The following PCDHGA2 variants were observed in gnomAD, a reference collection of about 807,000 sequenced individuals.
The protein encoded by PCDHGA2 is protocadherin gamma-A2.
Under a neutral mutation model 59.2 loss-of-function variants are expected in PCDHGA2, and 40 were observed. The ratio of observed to expected loss-of-function variants is 0.68; its 90% CI spans 0.52 to 0.88. The LOEUF (loss-of-function observed/expected upper bound fraction) is 0.88. Among genes scored for constraint, PCDHGA2 ranks in the 40% least tolerant of loss-of-function variants. PCDHGA2 has a pLI of 0.00. For missense variants in PCDHGA2, 1,226 were observed against 1,204.0 expected, an observed-to-expected ratio of 1.02 and a Z score of -0.27; for synonymous variants, 560 against 526.0, an observed-to-expected ratio of 1.06 and a Z score of -0.89.
intron 1 of PCDHGA2, chr5:141,374,756 G>A (rs968410543): frequency 2.5e-6 from 4 of 1,612,954 alleles, no homozygotes; most frequent in Non-Finnish European, 2.5e-6. Flanking sequence ...CCGCTCAAGC[G>A]TCGCCCAAAT....
At chr5:141,341,747 A>G (rs1212091051) in intron 1 of PCDHGA2, 3 of 427,258 alleles carry the variant, frequency 7.0e-6, no homozygotes, top group African/African-American at 2.0e-5. Flanking sequence ...TAAAAATATA[A>G]AGATTGGAGT....
Position 141,389,558 on chromosome 5 carries a change from A to G in PCDHGA2, c.2424+48163A>G, listed in dbSNP as rs778077135. 14 of 1,613,148 alleles carry G rather than the reference A, an allele frequency of 8.7e-6. No individual in the cohort carries two copies. The East Asian group carries it at 8.9e-5, about 10-fold the overall frequency. ...TGGACGACCGCAACGACAATGCGCC[A>G]CGGGTGCTGTACCCCGCGCTGGGTC... On this transcript the variant is annotated intron_variant, in intron 1 of 3. Transcript: ENST00000394576.
chr5:141,481,622 G>A (rs957374253), intron 1 of PCDHGA2, among the ~76,000 whole-genome samples: 6 of 151,854 alleles, frequency 4.0e-5, no homozygotes, highest in African/African-American at 1.2e-4. Flanking sequence ...GTTCAAGACC[G>A]GCCTGGCCAA....
At chr5:141,496,637 C>T (rs907246032) in intron 2 of PCDHGA2, among the ~76,000 whole-genome samples, 6 of 152,214 alleles carry the variant, frequency 3.9e-5, no homozygotes, top group Non-Finnish European at 7.3e-5. Context: ...GCTTGGGCTG[C>T]CCTTGCCCTT....
chr5:141,388,432 A>G (rs760022375), intron 1 of PCDHGA2: 2 of 1,613,878 alleles, frequency 1.2e-6, no homozygotes, highest in Non-Finnish European at 8.5e-7. Context: ...CTGATAAATA[A>G]AGAGAAATCA....
intron 1 of PCDHGA2, chr5:141,404,217 T>C (rs1188874623): frequency 6.2e-7 from 1 of 1,613,588 alleles, no homozygotes; most frequent in Non-Finnish European, 8.5e-7. Context: ...AATATCACGG[T>C]GACTGCAACA....
At chr5:141,360,645 C>A (rs1263942255) in intron 1 of PCDHGA2, 1 of 1,613,862 alleles carries the variant, frequency 6.2e-7, no homozygotes, top group Non-Finnish European at 8.5e-7. Context: ...TACAAAGATA[C>A]CACCTTAATG....
intron 1 of PCDHGA2, chr5:141,357,869 A>G: frequency 3.5e-6 from 2 of 565,622 alleles, no homozygotes; most frequent in South Asian, 4.5e-5. Context: ...CTAATTTTAC[A>G]ACTCTGAGCC....
rs1283050252 is a variant in PCDHGA2, at chr5:141,512,909, T to G, written c.*1736T>G. ...CCTCTTCCTGTGTCTCACGCAAGTT[T>G]TATACTCTAATATTTATATGGCTTT... On this transcript the variant is annotated 3_prime_UTR_variant, in exon 4 of 4. Coordinates refer to ENST00000394576, the MANE Select transcript of PCDHGA2 (RefSeq NM_018915.4). 6.6e-6 allele frequency: 1 copy of G among 152,268 alleles called. No homozygotes were observed. The highest frequency in any genetic ancestry group is 1.5e-5 in the Non-Finnish European group (1 of 68,056). 9.4% of individuals were successfully genotyped at this position (152,268 alleles called of 1,614,324 possible).
At chr5:141,470,306 T>C (rs2099227644) in intron 1 of PCDHGA2, among the ~76,000 whole-genome samples, 1 of 152,222 alleles carries the variant, frequency 6.6e-6, no homozygotes, top group South Asian at 2.1e-4. Flanking sequence ...TTATTCCATT[T>C]TTCCTCAAAT....
In PCDHGA2 at chr5:141,362,410, C is replaced by T. The variant is rs374650665; in HGVS notation, c.2424+21015C>T. The stretch of plus-strand genomic sequence containing the variant: ...TTCCTACAACCTGTGTGTTGCCTCA[C>T]AATCAGCCAAGACAGAGTTCAATTT... On this transcript the variant is annotated intron_variant, in intron 1 of 3. Coordinates refer to ENST00000394576, the MANE Select transcript of PCDHGA2 (RefSeq NM_018915.4). 2.5e-6 allele frequency: 4 copies of T among 1,613,916 alleles called. No individual in the cohort carries two copies. The African/African-American group carries it at 5.3e-5, about 22-fold the overall frequency.
At chr5:141,364,618 C>T (rs373148081) in intron 1 of PCDHGA2, 2 of 1,614,140 alleles carry the variant, frequency 1.2e-6, no homozygotes, top group African/African-American at 2.7e-5. Flanking sequence ...AGGAGCTCTG[C>T]GCTCAGAGCC....
At position 141,490,456 on chromosome 5, in the gene PCDHGA2, C is replaced by G. The variant is rs370141879; in HGVS notation, c.2425-4351C>G. On this transcript the variant is annotated intron_variant, in intron 1 of 3. Transcript: ENST00000394576. The surrounding 1 kb of genome is among the most constrained non-coding windows in gnomAD (Gnocchi z 5.4). The stretch of plus-strand genomic sequence containing the variant: ...TAAGCCTTCTGAGAACCACTACTCG[C>G]TGCTAACCAGCCAGCCTTTGGACCG... 3.7e-6 allele frequency: 6 copies of G among 1,614,114 alleles called. No individual in the cohort carries two copies. Among genetic ancestry groups the G allele is most frequent in the Non-Finnish European group, 5.1e-6 (6 of 1,180,058 alleles).
intron 1 of PCDHGA2, chr5:141,361,337 A>G (rs1374845034): frequency 1.9e-6 from 3 of 1,613,878 alleles, no homozygotes; most frequent in South Asian, 1.1e-5. Flanking sequence ...TCAAAGAACT[A>G]TTACAAACTA....
chr5:141,370,277 C>T, intron 1 of PCDHGA2: 1 of 847,602 alleles, frequency 1.2e-6, no homozygotes, highest in East Asian at 2.6e-5. Flanking sequence ...CGGAGACACC[C>T]ATTAGAGAAC....
At chr5:141,435,503 A>G (rs2097767522) in intron 1 of PCDHGA2, among the ~76,000 whole-genome samples, 1 of 152,170 alleles carries the variant, frequency 6.6e-6, no homozygotes, top group Non-Finnish European at 1.5e-5. Context: ...TACACTAATG[A>G]TACTAATGAT....
chr5:141,366,411 T>C lies in PCDHGA2; in HGVS notation c.2424+25016T>C, dbSNP rs759374656. ...GATCTGGACCTCACACTCTATCTTG[T>C]GGTGGCAGTGGCTGCAGTCTCCTGC... On this transcript the variant is annotated intron_variant, in intron 1 of 3. Coordinates refer to ENST00000394576, the MANE Select transcript of PCDHGA2 (RefSeq NM_018915.4). The C allele has an allele frequency of 6.2e-7, 1 of 1,614,194 alleles. No individual in the cohort carries two copies.
At chr5:141,348,468 A>G (rs1758125507) in intron 1 of PCDHGA2, among the ~76,000 whole-genome samples, 1 of 152,228 alleles carries the variant, frequency 6.6e-6, no homozygotes, top group African/African-American at 2.4e-5. Context: ...TAGTATTAGT[A>G]TCACTTTCCC....
intron 1 of PCDHGA2, chr5:141,398,974 A>G (rs1486049931): frequency 1.4e-5 from 23 of 1,613,860 alleles, no homozygotes; most frequent in Non-Finnish European, 1.9e-5. Context: ...TTCCTTCTAC[A>G]GAACCGGGCA....
Sources: allele counts gnomAD v4.1 joint callset (sites outside exome capture counted in the v4.1 genomes callset), GRCh38; gene constraint gnomAD v4.1.1; non-coding constraint Gnocchi (gnomAD v3.1); transcripts MANE v1.5; gene names NCBI Gene and HGNC (gene_info 2026-07-23, HGNC 2026-07-21).